The following GRM5 variants were observed in gnomAD, a reference collection of about 807,000 sequenced individuals.
The protein encoded by GRM5 is glutamate metabotropic receptor 5.
In GRM5, 19 loss-of-function variants were observed where a neutral mutation model predicts 83.1. That is an observed-to-expected ratio of 0.23 (90% CI 0.16 to 0.34). The LOEUF is 0.34. GRM5 is among the 10% of genes least tolerant of loss of function. The pLI, the probability that GRM5 is intolerant of heterozygous loss-of-function variation, is 1.00. For missense variants in GRM5, 1,160 were observed against 1,588.3 expected, an observed-to-expected ratio of 0.73 and a Z score of 4.58; for synonymous variants, 675 against 633.6, an observed-to-expected ratio of 1.07 and a Z score of -0.98.
chr11:88,683,365 C>T (rs1223675018), intron 3 of GRM5, among the ~76,000 whole-genome samples: 1 of 152,194 alleles, frequency 6.6e-6, no homozygotes, highest in Non-Finnish European at 1.5e-5. Context: ...GAAAACACTG[C>T]CTAGTGGTAC....
chr11:88,835,561 A>T (rs117354703), intron 3 of GRM5, among the ~76,000 whole-genome samples: 1 of 151,724 alleles, frequency 6.6e-6, no homozygotes, highest in East Asian at 2.0e-4. Context: ...GGAGTGGAAT[A>T]TGATGGCAAA....
intron 9 of GRM5, among the ~76,000 whole-genome samples, chr11:88,524,762 T>G (rs11607200): frequency 6.6e-6 from 1 of 152,116 alleles, no homozygotes; most frequent in Non-Finnish European, 1.5e-5. Context: ...GATTTCAGTT[T>G]GAGAAAAGCC....
intron 2 of GRM5, among the ~76,000 whole-genome samples, chr11:88,925,351 T>C (rs2083572501): frequency 6.6e-6 from 1 of 151,958 alleles, no homozygotes; most frequent in Admixed American, 6.6e-5. Flanking sequence ...CCTTAGAAAC[T>C]AGCTTCATCT....
intron 3 of GRM5, among the ~76,000 whole-genome samples, chr11:88,796,921 T>C: frequency 6.6e-6 from 1 of 150,588 alleles, no homozygotes; most frequent in East Asian, 2.0e-4. Context: ...TGTGTGTGTG[T>C]GTGTGTGTGT....
chr11:88,742,669 G>T (rs189250393), intron 3 of GRM5, among the ~76,000 whole-genome samples: 2 of 152,100 alleles, frequency 1.3e-5, no homozygotes, highest in Admixed American at 1.3e-4. Context: ...TTCAAAGTAC[G>T]ACCTCTCTGG....
At chr11:88,938,154 A>T (rs1246448087) in intron 2 of GRM5, among the ~76,000 whole-genome samples, 1 of 151,714 alleles carries the variant, frequency 6.6e-6, no homozygotes, top group Admixed American at 6.6e-5. Context: ...TCAAAACATC[A>T]TGTTATACAC....
At chr11:88,704,287 T>G (rs1434226699) in intron 3 of GRM5, among the ~76,000 whole-genome samples, 1 of 152,056 alleles carries the variant, frequency 6.6e-6, no homozygotes, top group Non-Finnish European at 1.5e-5. Flanking sequence ...AGTACCTATT[T>G]TAAGAAAACT....
At chr11:88,599,090 A>G (rs991736038) in intron 5 of GRM5, among the ~76,000 whole-genome samples, 13 of 152,192 alleles carry the variant, frequency 8.5e-5, no homozygotes, top group African/African-American at 1.2e-4. Context: ...GAGCTAAGAG[A>G]TCATATTTTC....
intron 2 of GRM5, among the ~76,000 whole-genome samples, chr11:88,866,362 A>G (rs1944665589): frequency 6.6e-6 from 1 of 152,026 alleles, no homozygotes; most frequent in Admixed American, 6.6e-5. Context: ...ATGAGAACAC[A>G]TAGACACAGG....
intron 3 of GRM5, among the ~76,000 whole-genome samples, chr11:88,684,465 G>A (rs1037068776): frequency 1.3e-5 from 2 of 152,176 alleles, no homozygotes; most frequent in Non-Finnish European, 2.9e-5. Flanking sequence ...TATTTTGAAG[G>A]TAAACACAAT....
At chr11:88,735,192 T>C (rs770698589) in intron 3 of GRM5, among the ~76,000 whole-genome samples, 57 of 152,030 alleles carry the variant, frequency 3.7e-4, no homozygotes, top group Non-Finnish European at 7.9e-4. Flanking sequence ...CACCACATTC[T>C]CACTCCTGTC....
chr11:88,968,475 A>C (rs1412002136), intron 2 of GRM5, among the ~76,000 whole-genome samples: 3 of 152,034 alleles, frequency 2.0e-5, no homozygotes, highest in Non-Finnish European at 2.9e-5. Flanking sequence ...TTGAAGCTGG[A>C]AGCTTGAGAC....
intron 2 of GRM5, among the ~76,000 whole-genome samples, chr11:89,035,484 T>A (rs1443419371): frequency 6.6e-6 from 1 of 151,554 alleles, no homozygotes; most frequent in East Asian, 1.9e-4. Flanking sequence ...AGAGGGTATA[T>A]AACCAAGCAA....
chr11:88,895,716 A>T (rs1317316171), intron 2 of GRM5, among the ~76,000 whole-genome samples: 1 of 151,916 alleles, frequency 6.6e-6, no homozygotes, highest in Non-Finnish European at 1.5e-5. Context: ...TCAATATGTG[A>T]ACTATTTTAA....
At chr11:88,802,595 A>G (rs1201198294) in intron 3 of GRM5, among the ~76,000 whole-genome samples, 1 of 152,152 alleles carries the variant, frequency 6.6e-6, no homozygotes, top group Non-Finnish European at 1.5e-5. Flanking sequence ...ATGGGCAAAA[A>G]TTGGAAGCAT....
chr11:89,014,347 C>T (rs71469234), intron 2 of GRM5, among the ~76,000 whole-genome samples: 1 of 152,122 alleles, frequency 6.6e-6, no homozygotes, highest in Non-Finnish European at 1.5e-5. Flanking sequence ...TGTGTTACTA[C>T]TCAACAGTGC....
chr11:89,005,413 T>C lies in GRM5; in HGVS notation c.661+41799A>G, dbSNP rs148778279. On this transcript the variant is annotated intron_variant, in intron 2 of 9. Transcript: ENST00000305447. ...GCTTGGCTTGGAGAAAATATCCAAT[T>C]TGTCAAGCTAGGGTCAGGAAAGTCA... 4.2e-4 allele frequency among the ~76,000 whole-genome samples: 64 copies of C among 152,252 alleles called. No homozygotes were observed. In the East Asian group the frequency reaches 8.9e-3, roughly 21 times the overall value.
At chr11:88,638,562 CTGTT>C (rs1939204284) in intron 4 of GRM5, among the ~76,000 whole-genome samples, 1 of 151,998 alleles carries the variant, frequency 6.6e-6, no homozygotes, top group South Asian at 2.1e-4. Flanking sequence ...GAATTGATGT[CTGTT>C]TTTCCTTAAA....
chr11:88,920,467 G>A (rs1360453207), intron 2 of GRM5, among the ~76,000 whole-genome samples: 1 of 143,864 alleles, frequency 7.0e-6, no homozygotes. Context: ...TGGATTTATT[G>A]CTAAATTCTA....
Sources: gnomAD v4.1 joint callset for allele counts (sites outside exome capture counted in the v4.1 genomes callset) on GRCh38, gnomAD v4.1.1 for gene constraint, MANE v1.5 for transcripts, NCBI Gene and HGNC (gene_info 2026-07-23, HGNC 2026-07-21) for gene names.